UBR3: variants seen among roughly 807,000 people sequenced by gnomAD.
UBR3 encodes ubiquitin protein ligase E3 component n-recognin 3.
In UBR3, 85 loss-of-function variants were observed where a neutral mutation model predicts 243.2. That is an observed-to-expected ratio of 0.35 (90% CI 0.29 to 0.42). The LOEUF (loss-of-function observed/expected upper bound fraction) is 0.42. Ranked by LOEUF, UBR3 falls within the 10% of genes least tolerant of loss-of-function variation. UBR3 has a pLI of 1.00. For synonymous variants in UBR3, 748 were observed against 799.8 expected (o/e 0.94, Z 1.09); for missense variants, 1,686 against 2,300.8 (o/e 0.73, Z 5.47).
chr2:170,016,813 T>C (rs763965943), intron 30 of UBR3: 1 of 653,436 alleles, frequency 1.5e-6, no homozygotes, highest in Non-Finnish European at 2.0e-6. Context: ...TAATTTAAAT[T>C]GTTAAATTTA....
intron 19 of UBR3, among the ~76,000 whole-genome samples, chr2:169,940,265 G>A (rs1054217170): frequency 1.3e-5 from 2 of 151,992 alleles, no homozygotes; most frequent in Non-Finnish European, 2.9e-5. Flanking sequence ...GGATTTTAAG[G>A]CTATGTATTT....
intron 32 of UBR3, among the ~76,000 whole-genome samples, chr2:170,052,401 C>T (rs1399531807): frequency 6.6e-6 from 1 of 152,168 alleles, no homozygotes; most frequent in African/African-American, 2.4e-5. Context: ...GCACTCCACT[C>T]CCATGTTCAT....
At chr2:170,023,748 A>C (rs1409531441) in intron 30 of UBR3, among the ~76,000 whole-genome samples, 1 of 152,072 alleles carries the variant, frequency 6.6e-6, no homozygotes, top group Non-Finnish European at 1.5e-5. Context: ...ACCTGCCACT[A>C]CACCTGGCTA....
At chr2:169,979,498 A>G (rs764645018) in intron 24 of UBR3, among the ~76,000 whole-genome samples, 9 of 152,196 alleles carry the variant, frequency 5.9e-5, no homozygotes, top group Non-Finnish European at 4.4e-5. Context: ...GGAAGCAGCT[A>G]AGATGTCCTT....
At chr2:169,895,116 A>G (rs2084531808) in intron 6 of UBR3, 65 bp from the exon 7 acceptor site, 2 of 1,413,524 alleles carry the variant, frequency 1.4e-6, no homozygotes, top group Admixed American at 3.2e-5. Flanking sequence ...TTTATGGGTT[A>G]TTAGTTATAA....
intron 1 of UBR3, among the ~76,000 whole-genome samples, chr2:169,847,079 CTGTGTGTGTGTG>C (rs769261518): frequency 1.6e-5 from 2 of 123,708 alleles, no homozygotes; most frequent in African/African-American, 6.2e-5. Context: ...TTTTCTTAAA[CTGTGTGTGTGTG>C]TGTGTGTGTG....
At chr2:169,840,682 T>C (rs2082261284) in intron 1 of UBR3, among the ~76,000 whole-genome samples, 2 of 152,194 alleles carry the variant, frequency 1.3e-5, no homozygotes, top group African/African-American at 4.8e-5. Flanking sequence ...ACTCTGCTGC[T>C]GACCTGCCCT....
intron 11 of UBR3, among the ~76,000 whole-genome samples, chr2:169,918,627 T>A (rs1233805796): frequency 6.6e-6 from 1 of 152,126 alleles, no homozygotes; most frequent in African/African-American, 2.4e-5. Flanking sequence ...TGGCCAATAA[T>A]ATGTTTTGAA....
At chr2:169,900,885 C>T (rs2084795269) in intron 8 of UBR3, among the ~76,000 whole-genome samples, 1 of 152,060 alleles carries the variant, frequency 6.6e-6, no homozygotes, top group Non-Finnish European at 1.5e-5. Context: ...CTAGTTTTCC[C>T]AGAATAGCCT....
intron 26 of UBR3, among the ~76,000 whole-genome samples, chr2:169,997,568 C>A (rs1267240818): frequency 1.3e-5 from 2 of 152,048 alleles, no homozygotes; most frequent in African/African-American, 2.4e-5. Context: ...ATTTCCGCTA[C>A]CCACAGCTCT....
chr2:170,029,283 TC>T, intron 30 of UBR3, 62 bp from the exon 31 acceptor site: 1 of 1,333,456 alleles, frequency 7.5e-7, no homozygotes, highest in South Asian at 1.4e-5. Flanking sequence ...AGAAATTTTG[TC>T]TGAATTTTGT....
At chr2:169,840,607 ACTCT>A (rs1173972236) in intron 1 of UBR3, among the ~76,000 whole-genome samples, 2 of 150,562 alleles carry the variant, frequency 1.3e-5, no homozygotes, top group African/African-American at 4.9e-5. Context: ...CCTTGTGGAG[ACTCT>A]CTCTGGTGGA....
At chr2:169,881,826 T>G (rs1301071958) in intron 5 of UBR3, among the ~76,000 whole-genome samples, 2 of 137,080 alleles carry the variant, frequency 1.5e-5, no homozygotes, top group African/African-American at 5.3e-5. Context: ...TATAATTATA[T>G]ATGTATGTAT....
chr2:169,984,996 T>G (rs936227536), intron 24 of UBR3, among the ~76,000 whole-genome samples: 2 of 147,538 alleles, frequency 1.4e-5, no homozygotes, highest in Non-Finnish European at 3.0e-5. Context: ...GGTTTTCAAG[T>G]CGATTGTACC....
At chr2:169,879,264 T>C (rs1330777198) in intron 5 of UBR3, among the ~76,000 whole-genome samples, 3 of 152,072 alleles carry the variant, frequency 2.0e-5, no homozygotes, top group African/African-American at 7.2e-5. Context: ...TTTAAACATA[T>C]ATATCTTTTT....
intron 24 of UBR3, among the ~76,000 whole-genome samples, chr2:169,974,589 T>G (rs1378908482): frequency 6.6e-6 from 1 of 152,164 alleles, no homozygotes; most frequent in Non-Finnish European, 1.5e-5. Flanking sequence ...TTTGTCAATT[T>G]TATCTTTTCA....
chr2:169,976,666 T>C (rs943941143), intron 24 of UBR3, among the ~76,000 whole-genome samples: 18 of 152,184 alleles, frequency 1.2e-4, no homozygotes, highest in Admixed American at 7.9e-4. Context: ...ACTTGATGCT[T>C]TTCTCTTGCT....
chr2:169,845,811 T>C (rs2082460842), intron 1 of UBR3, among the ~76,000 whole-genome samples: 1 of 152,074 alleles, frequency 6.6e-6, no homozygotes, highest in Admixed American at 6.6e-5. Context: ...CTTGAACTGC[T>C]GGACTCAAAT....
chr2:170,001,508 T>C, intron 27 of UBR3, 94 bp downstream of exon 27: 1 of 710,510 alleles, frequency 1.4e-6, no homozygotes, highest in Non-Finnish European at 2.4e-6. Context: ...AGCTCATCTT[T>C]TTAGGTGATT....
Sources: gnomAD v4.1 joint callset for allele counts (sites outside exome capture counted in the v4.1 genomes callset) on GRCh38, gnomAD v4.1.1 for gene constraint, MANE v1.5 for transcripts, NCBI Gene and HGNC (gene_info 2026-07-23, HGNC 2026-07-21) for gene names.